Variants in TLK2 observed in about 807,000 individuals in gnomAD.
The protein encoded by TLK2 is serine/threonine-protein kinase tousled-like 2.
In TLK2, 6 loss-of-function variants were observed where a neutral mutation model predicts 117.3. The observed-to-expected ratio is 0.05, with a 90% confidence interval of 0.03 to 0.10. The LOEUF (loss-of-function observed/expected upper bound fraction) is 0.10. TLK2 is among the 10% of genes least tolerant of loss of function. The pLI, the probability that TLK2 is intolerant of heterozygous loss-of-function variation, is 1.00. For missense variants in TLK2, 299 were observed against 901.2 expected (o/e 0.33, Z 8.56); for synonymous variants, 257 against 316.7 (o/e 0.81, Z 2.00).
chr17:62,600,077 G>T (rs983574828), intron 17 of TLK2, among the ~76,000 whole-genome samples: 1 of 152,198 alleles, frequency 6.6e-6, no homozygotes. Flanking sequence ...GTGCCAAGCT[G>T]TCAGAAGACG....
chr17:62,576,914 A>G, intron 13 of TLK2, 139 bp downstream of exon 13: 1 of 616,706 alleles, frequency 1.6e-6, no homozygotes, highest in South Asian at 2.1e-5. Flanking sequence ...TTTCACTGTC[A>G]TGTCTTGTAG....
chr17:62,576,395 C>T, intron 12 of TLK2, among the ~76,000 whole-genome samples: 1 of 152,124 alleles, frequency 6.6e-6, no homozygotes, highest in South Asian at 2.1e-4. Context: ...TTTTGGCTGT[C>T]TCTGAATGAG....
At chr17:62,548,715 C>G (rs1312353041) in intron 7 of TLK2, among the ~76,000 whole-genome samples, 2 of 151,924 alleles carry the variant, frequency 1.3e-5, no homozygotes, top group African/African-American at 4.8e-5. Flanking sequence ...GTAGAAGTGT[C>G]TTTTAATCAT....
At chr17:62,503,252 G>A (rs552257725) in intron 2 of TLK2, among the ~76,000 whole-genome samples, 24 of 151,770 alleles carry the variant, frequency 1.6e-4, no homozygotes, top group African/African-American at 5.8e-4. Context: ...TAGAGACGGG[G>A]TTTCACTGTG....
intron 2 of TLK2, among the ~76,000 whole-genome samples, chr17:62,495,653 TTATATA>T (rs143548926): frequency 1.5e-5 from 2 of 137,904 alleles, no homozygotes; most frequent in African/African-American, 5.3e-5. Context: ...ATTTTAAAAA[TTATATA>T]TATATATATA....
In TLK2 at chr17:62,577,209, C is replaced by T. The variant is rs866186605; in HGVS notation, c.1188+434C>T. Among the ~76,000 whole-genome samples the T allele has an allele frequency of 9.6e-4, 146 of 152,190 alleles. 2 individuals are homozygous for T. The highest frequency in any genetic ancestry group is 3.2e-3 in the African/African-American group (131 of 41,526). ...CTGACCTCAAGTAATCCTCCTGCCTCGGCCTCCCAAAGTGCTGGGATTACG... is the reference window on the plus strand; with the variant it reads ...CTGACCTCAAGTAATCCTCCTGCCTTGGCCTCCCAAAGTGCTGGGATTACG... On this transcript the variant is annotated intron_variant, in intron 13 of 21. Coordinates refer to ENST00000346027, the MANE Select transcript of TLK2 (RefSeq NM_006852.6).
chr17:62,518,282 A>G (rs1407702337), intron 2 of TLK2, among the ~76,000 whole-genome samples: 1 of 152,238 alleles, frequency 6.6e-6, no homozygotes, highest in East Asian at 1.9e-4. Context: ...GTTTTCTATG[A>G]TTATTATTTC....
In TLK2 at chr17:62,571,544, C is replaced by T. The variant is rs542524074; in HGVS notation, c.969-1671C>T. ...CTAGCTAATAATCAAAAAGAATTTT[C>T]AGGCAAACAGAAAACTCTTGAATTA... On this transcript the variant is annotated intron_variant, in intron 11 of 21. Coordinates refer to ENST00000346027, the MANE Select transcript of TLK2 (RefSeq NM_006852.6). Among the ~76,000 whole-genome samples, 11 of 152,064 alleles carry T rather than the reference C, an allele frequency of 7.2e-5. No homozygotes were observed. In the South Asian group the frequency reaches 2.3e-3, roughly 32 times the overall value.
chr17:62,573,836 T>C (rs1295870744), intron 12 of TLK2, among the ~76,000 whole-genome samples: 1 of 152,162 alleles, frequency 6.6e-6, no homozygotes, highest in East Asian at 1.9e-4. Flanking sequence ...AAGGACATTG[T>C]CCCAATAAGC....
intron 7 of TLK2, among the ~76,000 whole-genome samples, chr17:62,547,518 C>T (rs1343060705): frequency 6.6e-6 from 1 of 152,010 alleles, no homozygotes; most frequent in Non-Finnish European, 1.5e-5. Flanking sequence ...TGTGTAGTAC[C>T]TTTTACCTTT....
At chr17:62,583,581 T>A (rs950114058) in intron 15 of TLK2, among the ~76,000 whole-genome samples, 2 of 152,076 alleles carry the variant, frequency 1.3e-5, no homozygotes, top group African/African-American at 4.8e-5. Context: ...ACATTTTATT[T>A]CTTTTTCTCT....
chr17:62,567,991 A>G (rs1447298430), intron 11 of TLK2, among the ~76,000 whole-genome samples: 1 of 152,182 alleles, frequency 6.6e-6, no homozygotes, highest in Non-Finnish European at 1.5e-5. Flanking sequence ...AGCTTATTTT[A>G]TAGTTCTGAG....
chr17:62,586,271 C>A, intron 16 of TLK2, 45 bp downstream of exon 16: 1 of 1,376,764 alleles, frequency 7.3e-7, no homozygotes, highest in Non-Finnish European at 1.0e-6. Context: ...TAAATAATAC[C>A]TGTAGTTTGA....
upstream of TLK2, chr17:62,477,580 C>T (rs1378896747): frequency 1.3e-5 from 2 of 152,170 alleles, no homozygotes; most frequent in African/African-American, 4.8e-5. Context: ...ACTTGTCTAA[C>T]CCTGAAAAAG....
chr17:62,585,243 G>A (rs1445801227), intron 15 of TLK2, among the ~76,000 whole-genome samples: 1 of 152,068 alleles, frequency 6.6e-6, no homozygotes, highest in Non-Finnish European at 1.5e-5. Flanking sequence ...CCATTTTTGG[G>A]ATTAGAAACT....
intron 16 of TLK2, among the ~76,000 whole-genome samples, chr17:62,590,291 C>T (rs1198459208): frequency 1.3e-5 from 2 of 151,488 alleles, no homozygotes; most frequent in Non-Finnish European, 2.9e-5. Context: ...AAAAGTTAGC[C>T]AGGCATGGTG....
intron 16 of TLK2, among the ~76,000 whole-genome samples, chr17:62,588,782 T>C (rs1317546512): frequency 1.3e-5 from 2 of 152,214 alleles, no homozygotes; most frequent in Admixed American, 6.5e-5. Flanking sequence ...CATTTCAGGC[T>C]ATAGAAAATG....
intron 7 of TLK2, among the ~76,000 whole-genome samples, chr17:62,547,795 C>T (rs2078061111): frequency 1.3e-5 from 2 of 152,138 alleles, no homozygotes; most frequent in African/African-American, 4.8e-5. Flanking sequence ...TCTATGGGAT[C>T]TGGCAACACA....
At chr17:62,520,645 C>G (rs1313939887) in intron 2 of TLK2, 128 bp from the exon 3 acceptor site, 1 of 848,384 alleles carries the variant, frequency 1.2e-6, no homozygotes, top group Non-Finnish European at 1.7e-6. Flanking sequence ...CCATTGTATT[C>G]CAGCCGGGGT....
Sources: gnomAD v4.1 joint callset for allele counts (sites outside exome capture counted in the v4.1 genomes callset) on GRCh38, gnomAD v4.1.1 for gene constraint, MANE v1.5 for transcripts, NCBI Gene and HGNC (gene_info 2026-07-23, HGNC 2026-07-21) for gene names.